Variants in MYO6 observed in about 807,000 individuals in gnomAD.
The protein encoded by MYO6 is unconventional myosin-VI.
Under a neutral mutation model 178.7 loss-of-function variants are expected in MYO6, and 74 were observed. The observed-to-expected ratio is 0.41, with a 90% CI of 0.34 to 0.50. MYO6 has a LOEUF of 0.50. MYO6 is among the 20% of genes least tolerant of loss of function. MYO6 has a pLI of 0.09. For synonymous variants in MYO6, 477 were observed against 504.6 expected (o/e 0.95, Z 0.73); for missense variants, 1,330 against 1,547.4 (o/e 0.86, Z 2.36).
At chr6:75,785,065 C>G (rs1039625529) in intron 1 of MYO6, among the ~76,000 whole-genome samples, 2 of 151,960 alleles carry the variant, frequency 1.3e-5, no homozygotes, top group Non-Finnish European at 2.9e-5. Flanking sequence ...ATTTTTTCAT[C>G]TAGTCATTTA....
chr6:75,903,721 A>G (rs547156988), intron 30 of MYO6, among the ~76,000 whole-genome samples: 1 of 151,652 alleles, frequency 6.6e-6, no homozygotes, highest in East Asian at 1.9e-4. Flanking sequence ...CATTTATTCC[A>G]TTTACATTTA....
At chr6:75,878,183 GTGACC>G (rs1229343304) in intron 20 of MYO6, among the ~76,000 whole-genome samples, 1 of 152,162 alleles carries the variant, frequency 6.6e-6, no homozygotes, top group African/African-American at 2.4e-5. Context: ...GCTCTTAGGG[GTGACC>G]ACTTAACTCT....
chr6:75,893,011 T>C (rs1779026325), intron 28 of MYO6, among the ~76,000 whole-genome samples: 1 of 152,168 alleles, frequency 6.6e-6, no homozygotes, highest in Non-Finnish European at 1.5e-5. Context: ...AATTTCTAAA[T>C]ACCTGTCATC....
At chr6:75,767,409 AAAT>A (rs753547769) in intron 1 of MYO6, among the ~76,000 whole-genome samples, 2 of 152,144 alleles carry the variant, frequency 1.3e-5, no homozygotes, top group Non-Finnish European at 2.9e-5. Context: ...ACATATAAAT[AAAT>A]AATAAGAATG....
intron 1 of MYO6, among the ~76,000 whole-genome samples, chr6:75,799,928 A>G (rs187382782): frequency 6.6e-6 from 1 of 152,212 alleles, no homozygotes; most frequent in East Asian, 1.9e-4. Flanking sequence ...CCAATAATTA[A>G]TTCCAATTCT....
At chr6:75,773,787 C>T (rs900234355) in intron 1 of MYO6, among the ~76,000 whole-genome samples, 1 of 152,150 alleles carries the variant, frequency 6.6e-6, no homozygotes, top group Non-Finnish European at 1.5e-5. Context: ...GGATGGGTGA[C>T]GGAATACCTC....
At chr6:75,835,344 C>T (rs1054197540) in intron 6 of MYO6, among the ~76,000 whole-genome samples, 10 of 152,070 alleles carry the variant, frequency 6.6e-5, no homozygotes, top group African/African-American at 2.4e-4. Context: ...CACACATGTG[C>T]AGGTTTGTTA....
chr6:75,851,068 C>CA (rs976566547), intron 11 of MYO6, among the ~76,000 whole-genome samples: 2 of 150,890 alleles, frequency 1.3e-5, no homozygotes, highest in African/African-American at 2.4e-5. Context: ...GATTCTAACA[C>CA]AAAAAAAAGT....
At chr6:75,787,266 A>G (rs899950252) in intron 1 of MYO6, among the ~76,000 whole-genome samples, 2 of 152,208 alleles carry the variant, frequency 1.3e-5, no homozygotes, top group Non-Finnish European at 2.9e-5. Flanking sequence ...TCCAAGAGCA[A>G]TGTCTACACA....
At chr6:75,895,673 A>G (rs2149381901) in intron 29 of MYO6, among the ~76,000 whole-genome samples, 1 of 151,914 alleles carries the variant, frequency 6.6e-6, no homozygotes, top group African/African-American at 2.4e-5. Context: ...ACGCACCACC[A>G]CACTCAGCTA....
At position 75,890,208 on chromosome 6, in the gene MYO6, GAA is replaced by G. The variant is rs876657709; in HGVS notation, c.2814_2815del (p.Arg939ThrfsTer2). 6.2e-7 allele frequency: 1 copy of G among 1,611,890 alleles called. No individual in the cohort carries two copies. Among genetic ancestry groups the G allele is most frequent in the Non-Finnish European group, 8.5e-7 (1 of 1,178,212 alleles). Reference sequence around the variant, plus strand: ...ATTCAAGAAGAAATGGAAAAGGAAAGAAAAAGACGTGAAGAAGACGAAAAACG... The same window carrying G: ...ATTCAAGAAGAAATGGAAAAGGAAAGAAAGACGTGAAGAAGACGAAAAACG... On this transcript the variant is annotated frameshift_variant, in exon 26 of 35. Transcript: ENST00000369977. LOFTEE classifies it high-confidence loss of function.
At chr6:75,758,592 C>T (rs928654701) in intron 1 of MYO6, among the ~76,000 whole-genome samples, 1 of 152,006 alleles carries the variant, frequency 6.6e-6, no homozygotes, top group Non-Finnish European at 1.5e-5. Flanking sequence ...TCCCAAGTAG[C>T]TGGGACTACA....
intron 7 of MYO6, among the ~76,000 whole-genome samples, chr6:75,839,902 C>T (rs1774045380): frequency 6.6e-6 from 1 of 151,678 alleles, no homozygotes; most frequent in South Asian, 2.1e-4. Context: ...AAGAGGTTTG[C>T]TGTTTTATCT....
rs150694196 is a variant in MYO6 at position 75,814,035 on chromosome 6, C to T, written c.-47-3466C>T. Among the ~76,000 whole-genome samples, 692 of 152,278 alleles carry T rather than the reference C, an allele frequency of 4.5e-3. 10 individuals carry two copies. The highest frequency in any genetic ancestry group is 0.016 in the African/African-American group (670 of 41,564). On this transcript the variant is annotated intron_variant, in intron 1 of 34. Coordinates refer to ENST00000369977, the MANE Select transcript of MYO6 (RefSeq NM_004999.4). ...GTGTTCTCACTAGGTCACATGCTCC[C>T]CAAACCCGGTGGCTCTGAGCCTATC...
At chr6:75,883,580 TG>T (rs1233518769) in intron 23 of MYO6, among the ~76,000 whole-genome samples, 1 of 152,208 alleles carries the variant, frequency 6.6e-6, no homozygotes, top group Non-Finnish European at 1.5e-5. Context: ...TTATGGCTTT[TG>T]GGATTAGGAA....
At chr6:75,864,126 T>A (rs999856942) in intron 16 of MYO6, among the ~76,000 whole-genome samples, 9 of 152,206 alleles carry the variant, frequency 5.9e-5, no homozygotes, top group African/African-American at 2.2e-4. Context: ...CGTTTAGAGT[T>A]GCCTAGTGGA....
rs200892534 is a variant in MYO6, at chr6:75,892,699, G to C, written c.3107+9G>C. On this transcript the variant is annotated intron_variant, in intron 28 of 34. Coordinates refer to ENST00000369977, the MANE Select transcript of MYO6 (RefSeq NM_004999.4). ...GACCTGGCGCTGCGGAGGTACTGGG[G>C]CCCCTGGGTGGGGTATAGCGCTCTC... 1.2e-6 allele frequency: 2 copies of C among 1,612,086 alleles called. No individual in the cohort carries two copies. Among genetic ancestry groups the C allele is most frequent in the Non-Finnish European group, 1.7e-6 (2 of 1,179,928 alleles).
At chr6:75,777,305 A>G (rs1201217030) in intron 1 of MYO6, among the ~76,000 whole-genome samples, 2 of 152,200 alleles carry the variant, frequency 1.3e-5, no homozygotes, top group Non-Finnish European at 2.9e-5. Flanking sequence ...AGTGATAAAA[A>G]TATGGTTTCC....
intron 20 of MYO6, among the ~76,000 whole-genome samples, chr6:75,878,896 G>C (rs1777776984): frequency 6.6e-6 from 1 of 152,124 alleles, no homozygotes; most frequent in Non-Finnish European, 1.5e-5. Context: ...GACCTGAAAA[G>C]CTCACATTGA....
Sources: allele counts gnomAD v4.1 joint callset (sites outside exome capture counted in the v4.1 genomes callset), GRCh38; gene constraint gnomAD v4.1.1; transcripts MANE v1.5; gene names NCBI Gene and HGNC (gene_info 2026-07-23, HGNC 2026-07-21).